Variants in ARHGAP31 observed in about 807,000 individuals in gnomAD.
ARHGAP31 encodes the protein rho GTPase-activating protein 31.
A neutral mutation model predicts 113.9 loss-of-function variants in ARHGAP31; 34 were observed. That is an observed-to-expected ratio of 0.30 (90% CI 0.23 to 0.40). The LOEUF (loss-of-function observed/expected upper bound fraction) is 0.40. Ranked by LOEUF, ARHGAP31 falls within the 10% of genes least tolerant of loss-of-function variation. The pLI, the probability that ARHGAP31 is intolerant of heterozygous loss-of-function variation, is 1.00. For missense variants in ARHGAP31, 1,548 were observed against 1,767.1 expected, an observed-to-expected ratio of 0.88 and a Z score of 2.22; for synonymous variants, 650 against 684.8, an observed-to-expected ratio of 0.95 and a Z score of 0.79.
At chr3:119,296,852 C>T (rs2079537661) in intron 1 of ARHGAP31, among the ~76,000 whole-genome samples, 1 of 152,186 alleles carries the variant, frequency 6.6e-6, no homozygotes, top group African/African-American at 2.4e-5. Context: ...GTAAATTGGC[C>T]TGCCTGAGGT....
chr3:119,391,711 G>A (rs536010780), intron 7 of ARHGAP31, among the ~76,000 whole-genome samples: 12 of 151,046 alleles, frequency 7.9e-5, no homozygotes, highest in Non-Finnish European at 1.2e-4. Context: ...TTCCATTGAA[G>A]GTGTCATTCC....
At chr3:119,329,740 G>T (rs1420534114) in intron 1 of ARHGAP31, 1 of 945,940 alleles carries the variant, frequency 1.1e-6, no homozygotes, top group African/African-American at 1.8e-5. Flanking sequence ...TGCCCTTCCT[G>T]CCCGCTCACA....
intron 1 of ARHGAP31, among the ~76,000 whole-genome samples, chr3:119,338,291 A>G (rs1361898012): frequency 6.6e-6 from 1 of 152,132 alleles, no homozygotes; most frequent in African/African-American, 2.4e-5. Context: ...TGTCCACGTA[A>G]CACATGGACT....
intron 1 of ARHGAP31, among the ~76,000 whole-genome samples, chr3:119,357,608 A>G (rs1356497130): frequency 6.6e-6 from 1 of 151,960 alleles, no homozygotes; most frequent in African/African-American, 2.4e-5. Flanking sequence ...AACAAATTCG[A>G]AAGTGAAATA....
At chr3:119,406,213 GT>G (rs1490140346) in intron 10 of ARHGAP31, among the ~76,000 whole-genome samples, 3 of 152,148 alleles carry the variant, frequency 2.0e-5, no homozygotes, top group Non-Finnish European at 4.4e-5. Context: ...CAAACTCATG[GT>G]TAGCACGGGC....
Position 119,336,640 on chromosome 3 carries a change from T to C in ARHGAP31, c.101-28676T>C, listed in dbSNP as rs996495106. 2.9e-4 allele frequency among the ~76,000 whole-genome samples: 44 copies of C among 152,322 alleles called. 1 individual carries two copies. Among genetic ancestry groups the C allele is most frequent in the African/African-American group, 1.0e-3 (42 of 41,566 alleles). ...TGCTGCATTTACTGCTGGTTTTATT[T>C]TTAATTTTATTGAGATATAATTAAC... is the stretch of plus-strand genomic sequence containing the variant. On this transcript the variant is annotated intron_variant, in intron 1 of 11. Transcript: ENST00000264245.
chr3:119,364,956 T>C (rs988016083), intron 1 of ARHGAP31, among the ~76,000 whole-genome samples: 3 of 151,984 alleles, frequency 2.0e-5, no homozygotes, highest in Non-Finnish European at 4.4e-5. Context: ...TAGCTTGGCG[T>C]GGTGGCGGGT....
intron 1 of ARHGAP31, among the ~76,000 whole-genome samples, chr3:119,354,720 G>A (rs1397038170): frequency 6.8e-6 from 1 of 146,106 alleles, no homozygotes; most frequent in African/African-American, 2.6e-5. Flanking sequence ...CAGAGATGGA[G>A]TTTCACCATG....
intron 1 of ARHGAP31, among the ~76,000 whole-genome samples, chr3:119,352,613 C>T (rs539901712): frequency 1.6e-5 from 2 of 122,024 alleles, no homozygotes; most frequent in Non-Finnish European, 3.6e-5. Flanking sequence ...CCTCTTCCCA[C>T]ACACACACAC....
chr3:119,319,069 A>G (rs1447841231), intron 1 of ARHGAP31, among the ~76,000 whole-genome samples: 1 of 152,100 alleles, frequency 6.6e-6, no homozygotes, highest in African/African-American at 2.4e-5. Flanking sequence ...GGTAATACCA[A>G]ACAAACATTA....
At chr3:119,320,049 A>T (rs959472207) in intron 1 of ARHGAP31, among the ~76,000 whole-genome samples, 3 of 152,220 alleles carry the variant, frequency 2.0e-5, no homozygotes, top group Admixed American at 6.5e-5. Context: ...CCCCACAGAG[A>T]GTCCTAGATT....
intron 1 of ARHGAP31, among the ~76,000 whole-genome samples, 181 bp downstream of exon 1, chr3:119,295,185 GC>G (rs1360217643): frequency 6.6e-6 from 1 of 150,904 alleles, no homozygotes; most frequent in Non-Finnish European, 1.5e-5. Context: ...GGTGCACAGC[GC>G]TGCTGTCCCG....
intron 1 of ARHGAP31, among the ~76,000 whole-genome samples, chr3:119,339,732 A>G (rs201307305): frequency 0.088 from 13,340 of 152,238 alleles, 757 homozygotes; most frequent in Non-Finnish European, 0.12. Flanking sequence ...GCCAAAAAAA[A>G]TGAACCTTAA....
intron 6 of ARHGAP31, among the ~76,000 whole-genome samples, chr3:119,388,884 C>T (rs373904098): frequency 4.3e-4 from 65 of 152,226 alleles, no homozygotes; most frequent in East Asian, 3.9e-3. Context: ...GGGCCAGGCG[C>T]GGTGGCTCAC....
chr3:119,391,050 T>C, intron 7 of ARHGAP31, 67 bp downstream of exon 7: 2 of 1,558,884 alleles, frequency 1.3e-6, no homozygotes, highest in Non-Finnish European at 8.8e-7. Flanking sequence ...AGGAGAGGTA[T>C]ACAGTCTCAG....
intron 11 of ARHGAP31, among the ~76,000 whole-genome samples, chr3:119,413,361 T>C (rs1465878346): frequency 6.6e-6 from 1 of 152,100 alleles, no homozygotes; most frequent in Non-Finnish European, 1.5e-5. Context: ...GATATTTACT[T>C]ATTTGGAAAG....
chr3:119,357,793 A>G (rs1049251525), intron 1 of ARHGAP31, among the ~76,000 whole-genome samples: 3 of 152,208 alleles, frequency 2.0e-5, no homozygotes, highest in Non-Finnish European at 4.4e-5. Flanking sequence ...GAGCCAGATA[A>G]TGGTCTAGTT....
At chr3:119,344,828 A>G (rs2080039801) in intron 1 of ARHGAP31, among the ~76,000 whole-genome samples, 1 of 152,128 alleles carries the variant, frequency 6.6e-6, no homozygotes, top group African/African-American at 2.4e-5. Flanking sequence ...AGATTGTATT[A>G]TTAGCTTCAG....
intron 1 of ARHGAP31, among the ~76,000 whole-genome samples, chr3:119,308,055 T>TTTA (rs1183317981): frequency 6.6e-6 from 1 of 151,792 alleles, no homozygotes; most frequent in Non-Finnish European, 1.5e-5. Context: ...CAGCGTTGTC[T>TTTA]TTATTCTGGA....
Sources: gnomAD v4.1 joint callset for allele counts (sites outside exome capture counted in the v4.1 genomes callset) on GRCh38, gnomAD v4.1.1 for gene constraint, MANE v1.5 for transcripts, NCBI Gene and HGNC (gene_info 2026-07-23, HGNC 2026-07-21) for gene names.